Variants in SYMPK observed in about 807,000 individuals in gnomAD.
The protein encoded by SYMPK is symplekin.
In SYMPK, 49 loss-of-function variants were observed where a neutral mutation model predicts 136.4. The ratio of observed to expected loss-of-function variants is 0.36; its 90% CI spans 0.29 to 0.46. The LOEUF is 0.46. Among genes scored for constraint, SYMPK ranks in the 20% least tolerant of loss-of-function variants. The pLI, the probability that SYMPK is intolerant of heterozygous loss-of-function variation, is 1.00. For synonymous variants in SYMPK, 766 were observed against 713.0 expected (o/e 1.07, Z -1.19); for missense variants, 1,365 against 1,690.0 (o/e 0.81, Z 3.37).
chr19:45,846,498 C>G (rs1971564431), intron 7 of SYMPK, among the ~76,000 whole-genome samples: 3 of 152,110 alleles, frequency 2.0e-5, no homozygotes, highest in African/African-American at 7.2e-5. Context: ...ATAACGATCC[C>G]CAATTTACCA....
In SYMPK at chr19:45,844,073, G is replaced by A. The variant is rs760044759; in HGVS notation, c.804C>T (p.Pro268=). 7.5e-6 allele frequency: 12 copies of A among 1,610,290 alleles called. No homozygotes were observed. In the Middle Eastern group the frequency reaches 1.6e-3, roughly 221 times the overall value. Residue 268 remains proline (P), a synonymous_variant, in exon 8 of 27, where the codon CCC becomes CCT. Transcript: ENST00000245934. ...GSLANIARQR[P]MFMSEVIQAY... ...CCTGGATCACCTCAGACATGAACAT[G>A]GGTCTCTGGCGGGCGATATTGGCAA...
At chr19:45,828,027 G>A in intron 14 of SYMPK, 109 bp from the exon 15 acceptor site, 4 of 926,350 alleles carry the variant, frequency 4.3e-6, no homozygotes, top group Non-Finnish European at 7.0e-6. Flanking sequence ...CTCAGGGGCT[G>A]CTTGTTCAAG....
chr19:45,821,339 G>T lies in SYMPK; in HGVS notation c.2893+45C>A. 1 of 1,448,120 alleles carries T rather than the reference G, an allele frequency of 6.9e-7. No individual in the cohort carries two copies. The highest frequency in any genetic ancestry group is 9.7e-7 in the Non-Finnish European group (1 of 1,030,554). The allele number at this position is 1,448,120 out of a possible 1,614,324, so 89.7% of individuals were successfully genotyped here. On this transcript the variant is annotated intron_variant, in intron 22 of 26. Transcript: ENST00000245934. The surrounding 1 kb of genome is among the most constrained non-coding windows in gnomAD (Gnocchi z 4.4). ...TGTGGGTGACTGAGGTCCTGCCCTG[G>T]CGTCGCAGGGGCCAGGCCACTGGAG...
chr19:45,835,069 C>A lies in SYMPK; in HGVS notation c.1393+9G>T. On this transcript the variant is annotated intron_variant, in intron 11 of 26. Coordinates refer to ENST00000245934, the MANE Select transcript of SYMPK (RefSeq NM_004819.3). ...TCCCTGGCCCAGGTTAGGGCCAGGA[C>A]ACACTCACCTGGTCCCAGTCCGGCA... The A allele has an allele frequency of 6.3e-7, 1 of 1,581,004 alleles. No individual in the cohort carries two copies. The highest frequency in any genetic ancestry group is 1.2e-5 in the South Asian group (1 of 86,344).
chr19:45,842,147 A>C (rs1040251136), intron 9 of SYMPK, 103 bp downstream of exon 9: 1 of 1,535,336 alleles, frequency 6.5e-7, no homozygotes, highest in African/African-American at 1.4e-5. Context: ...ACATAACATA[A>C]TCTATAATAT....
chr19:45,833,127 C>T (rs1305633909), intron 11 of SYMPK, among the ~76,000 whole-genome samples: 2 of 151,838 alleles, frequency 1.3e-5, no homozygotes, highest in Non-Finnish European at 2.9e-5. Flanking sequence ...CGCTTGAATC[C>T]AGGAGACAGA....
intron 9 of SYMPK, among the ~76,000 whole-genome samples, chr19:45,838,886 A>T (rs1169014292): frequency 1.3e-5 from 2 of 152,166 alleles, no homozygotes; most frequent in Middle Eastern, 6.8e-3. Flanking sequence ...CTAAGAAGAG[A>T]TTATTATTAT....
Position 45,842,305 on chromosome 19 carries a change from G to A in SYMPK, c.1032C>T (p.Asp344=), listed in dbSNP as rs753428589. The A allele has an allele frequency of 3.1e-6, 5 of 1,614,228 alleles. No homozygotes were observed. In the South Asian group the frequency reaches 5.5e-5, roughly 18 times the overall value. ...AGTCATCGCGGGGCCGCTTGCGGGT[G>A]TCCTTGCTGCTCGGCATGTTGCGGG... ...EIARNMPSSK[D]TRKRPRDDSD... The change falls in exon 9 of 27, where the codon GAC becomes GAT. Residue 344 remains aspartate (D), a synonymous_variant. Coordinates refer to ENST00000245934, the MANE Select transcript of SYMPK (RefSeq NM_004819.3).
intron 17 of SYMPK, 44 bp downstream of exon 17, chr19:45,826,182 G>A (rs773889505): frequency 1.5e-5 from 23 of 1,576,580 alleles, no homozygotes; most frequent in Admixed American, 7.3e-5. Context: ...CCCAGAGCGC[G>A]GACACAGCAG....
At chr19:45,862,602 C>G (rs955046605) in intron 1 of SYMPK, 3 of 155,524 alleles carry the variant, frequency 1.9e-5, no homozygotes, top group African/African-American at 7.2e-5. Flanking sequence ...ATTTAACAGG[C>G]GGATTTCTGG....
chr19:45,855,979 A>G (rs1971813090), intron 1 of SYMPK, among the ~76,000 whole-genome samples: 1 of 152,084 alleles, frequency 6.6e-6, no homozygotes, highest in African/African-American at 2.4e-5. Flanking sequence ...CAAAAAAAAG[A>G]AAGGGGAAAA....
At chr19:45,844,674 TA>T (rs201660380) in intron 7 of SYMPK, among the ~76,000 whole-genome samples, 121 of 144,390 alleles carry the variant, frequency 8.4e-4, no homozygotes, top group Admixed American at 1.4e-3. Context: ...GACTCCATAT[TA>T]AAAAAAAAAA....
chr19:45,839,108 C>A (rs1971375742), intron 9 of SYMPK, among the ~76,000 whole-genome samples: 1 of 152,106 alleles, frequency 6.6e-6, no homozygotes, highest in African/African-American at 2.4e-5. Flanking sequence ...AGGCTGGTCT[C>A]AAATTTCTGA....
Position 45,821,314 on chromosome 19 carries a change from T to C in SYMPK, c.2893+70A>G. 2 of 1,131,336 alleles carry C rather than the reference T, an allele frequency of 1.8e-6. No homozygotes were observed. The highest frequency in any genetic ancestry group is 2.7e-6 in the Non-Finnish European group (2 of 745,272). The allele number at this position is 1,131,336 out of a possible 1,614,324, so 70.1% of individuals were successfully genotyped here. On this transcript the variant is annotated intron_variant, in intron 22 of 26. Transcript: ENST00000245934. The surrounding 1 kb of genome is among the most constrained non-coding windows in gnomAD (Gnocchi z 4.4). ...GACTTGGCAGATTCCAGTGGGGGCA[T>C]GTGGGTGACTGAGGTCCTGCCCTGG...
chr19:45,828,907 G>A (rs1256274795), intron 14 of SYMPK, 63 bp downstream of exon 14: 8 of 1,519,678 alleles, frequency 5.3e-6, no homozygotes, highest in Non-Finnish European at 4.5e-6. Context: ...AATCAGAAAG[G>A]GAGGGCAGCA....
intron 14 of SYMPK, chr19:45,828,167 T>A (rs1009616575): frequency 4.4e-6 from 2 of 459,344 alleles, no homozygotes; most frequent in African/African-American, 2.0e-5. Context: ...CCTAACTTTA[T>A]TCACTGAACA....
intron 1 of SYMPK, among the ~76,000 whole-genome samples, chr19:45,861,697 A>T (rs1339727047): frequency 2.0e-5 from 3 of 151,660 alleles, no homozygotes; most frequent in Non-Finnish European, 4.4e-5. Flanking sequence ...AGATCACGCC[A>T]CTGCACTCCA....
Position 45,823,470 on chromosome 19 carries a change from G to A in SYMPK, c.2602C>T (p.Pro868Ser). Residue 868 changes from proline (P) to serine (S), a missense_variant and splice_region_variant, in exon 20 of 27, where the codon CCA (proline) becomes TCA (serine). Physicochemically the swap from Pro to Ser is moderately conservative, Grantham distance 74. Transcript: ENST00000245934. ...RCLHSLTDKV[P>S]PSPELVKRVR... Reference sequence around the variant, plus strand: ...CGCTTCACCAGCTCTGGGGAGGGTGGGACTGCATGGAAGCAGCAGGAGGCA... The same window carrying A: ...CGCTTCACCAGCTCTGGGGAGGGTGAGACTGCATGGAAGCAGCAGGAGGCA... 6 of 1,613,750 alleles carry A rather than the reference G, an allele frequency of 3.7e-6. No individual in the cohort carries two copies. The highest frequency in any genetic ancestry group is 5.1e-6 in the Non-Finnish European group (6 of 1,179,964).
chr19:45,824,660 G>A (rs1361224908), intron 18 of SYMPK, among the ~76,000 whole-genome samples: 1 of 152,228 alleles, frequency 6.6e-6, no homozygotes, highest in Non-Finnish European at 1.5e-5. Flanking sequence ...GCTGCAAACT[G>A]GAAGAGCAGA....
Sources: allele counts gnomAD v4.1 joint callset (sites outside exome capture counted in the v4.1 genomes callset), GRCh38; gene constraint gnomAD v4.1.1; non-coding constraint Gnocchi (gnomAD v3.1); transcripts MANE v1.5; gene names NCBI Gene and HGNC (gene_info 2026-07-23, HGNC 2026-07-21).